Variants in REV1 observed in about 807,000 individuals in gnomAD.
REV1 encodes translesion synthesis protein REV1.
A neutral mutation model predicts 137.4 loss-of-function variants in REV1; 42 were observed. The observed-to-expected ratio is 0.31, with a 90% CI of 0.24 to 0.40. The LOEUF is 0.40. Ranked by LOEUF, REV1 falls within the 10% of genes least tolerant of loss-of-function variation. The pLI, the probability that REV1 is intolerant of heterozygous loss-of-function variation, is 1.00. For missense variants in REV1, 1,282 were observed against 1,490.1 expected, an observed-to-expected ratio of 0.86 and a Z score of 2.30; for synonymous variants, 524 against 519.2, an observed-to-expected ratio of 1.01 and a Z score of -0.12.
At chr2:99,432,024 G>T (rs983687553) in intron 8 of REV1, 6 of 516,946 alleles carry the variant, frequency 1.2e-5, no homozygotes, top group African/African-American at 2.1e-5. Flanking sequence ...AACTGAAGTT[G>T]TCGATGGGAT....
At chr2:99,448,107 G>A (rs907577219) in intron 4 of REV1, among the ~76,000 whole-genome samples, 6 of 152,110 alleles carry the variant, frequency 3.9e-5, no homozygotes, top group African/African-American at 1.4e-4. Context: ...TTTCCACCAC[G>A]CTGCTTCTCC....
intron 1 of REV1, among the ~76,000 whole-genome samples, chr2:99,487,139 GAAGA>G (rs1687236941): frequency 6.6e-6 from 1 of 152,158 alleles, no homozygotes; most frequent in Non-Finnish European, 1.5e-5. Flanking sequence ...ACATCCTAAG[GAAGA>G]AACACTTTGT....
At position 99,456,620 on chromosome 2, in the gene REV1, C is replaced by T. The variant is rs28369954; in HGVS notation, c.181+5876G>A. Among the ~76,000 whole-genome samples the T allele has an allele frequency of 7.9e-3, 1,206 of 152,270 alleles. 8 individuals are homozygous for T. Among genetic ancestry groups the T allele is most frequent in the Admixed American group, 0.014 (210 of 15,294 alleles). On this transcript the variant is annotated intron_variant, in intron 3 of 22. Transcript: ENST00000258428. The stretch of plus-strand genomic sequence containing the variant: ...ACTATACATAAAACAGGCTTCCTAA[C>T]GCCAAAGAACTTAATATAGAATTAA...
At chr2:99,418,752 C>G in intron 12 of REV1, 76 bp downstream of exon 12, 1 of 1,364,570 alleles carries the variant, frequency 7.3e-7, no homozygotes, top group East Asian at 2.4e-5. Context: ...AAAGAGGTCT[C>G]ACAGTTCTAT....
intron 1 of REV1, among the ~76,000 whole-genome samples, chr2:99,481,222 C>T (rs142834771): frequency 1.3e-5 from 2 of 152,282 alleles, no homozygotes; most frequent in African/African-American, 4.8e-5. Flanking sequence ...TAATTACGTA[C>T]ATCTAAAAGT....
chr2:99,459,822 A>G (rs1281389933), intron 3 of REV1, among the ~76,000 whole-genome samples: 1 of 152,218 alleles, frequency 6.6e-6, no homozygotes, highest in Non-Finnish European at 1.5e-5. Context: ...CAGGTGAACT[A>G]TTAGAGGGTC....
At chr2:99,485,500 A>G (rs866507436) in intron 1 of REV1, among the ~76,000 whole-genome samples, 1 of 152,212 alleles carries the variant, frequency 6.6e-6, no homozygotes, top group Non-Finnish European at 1.5e-5. Flanking sequence ...CTCATATTTC[A>G]ACTGGATCTT....
At chr2:99,479,766 A>G (rs1477265945) in intron 1 of REV1, among the ~76,000 whole-genome samples, 1 of 137,556 alleles carries the variant, frequency 7.3e-6, no homozygotes, top group African/African-American at 2.8e-5. Flanking sequence ...ACAGAACAAG[A>G]CCAAAAAAGT....
intron 4 of REV1, among the ~76,000 whole-genome samples, chr2:99,443,548 C>G (rs1466238732): frequency 2.0e-5 from 3 of 152,122 alleles, no homozygotes; most frequent in African/African-American, 7.2e-5. Flanking sequence ...AAAAACGGAA[C>G]TATATATGAT....
Position 99,400,563 on chromosome 2 carries a change from C to CT in REV1, c.*677dup, listed in dbSNP as rs1156434768. The CT allele has an allele frequency of 1.3e-5, 2 of 152,100 alleles. No homozygotes were observed. The highest frequency in any genetic ancestry group is 2.9e-5 in the Non-Finnish European group (2 of 68,022). 9.4% of individuals were successfully genotyped at this position (152,100 alleles called of 1,614,324 possible). On this transcript the variant is annotated 3_prime_UTR_variant, in exon 23 of 23. Transcript: ENST00000258428. Reference sequence around the variant, plus strand: ...ATACGTTTGAAAAATCTATACCGTTCTTTTTTATCATCAAAGTTTCTCAAT... The same window carrying CT: ...ATACGTTTGAAAAATCTATACCGTTCTTTTTTTATCATCAAAGTTTCTCAAT...
chr2:99,438,778 A>C lies in REV1; in HGVS notation c.1036T>G (p.Cys346Gly). 1.2e-6 allele frequency: 2 copies of C among 1,614,250 alleles called. No individual in the cohort carries two copies. Among genetic ancestry groups the C allele is most frequent in the Middle Eastern group, 1.6e-4 (1 of 6,062 alleles). The change falls in exon 6 of 23, where the codon TGC (cysteine) becomes GGC (glycine). Residue 346 changes from cysteine to glycine, a missense_variant. Around this residue, in one of 7 missense-constraint regions of REV1, gnomAD observed 432 missense variants for 438.0 expected, o/e 0.99. Transcript: ENST00000258428. ...APSVPSKPSDCNFISNFYSHS... is the reference protein window; with the variant it reads ...APSVPSKPSDGNFISNFYSHS... ...GAATAGAAGTTTGAAATAAAATTGC[A>C]GTCTGAAGGTTTGGATGGCACTGAA...
At chr2:99,432,419 A>T (rs1427906726) in intron 8 of REV1, among the ~76,000 whole-genome samples, 1 of 152,180 alleles carries the variant, frequency 6.6e-6, no homozygotes, top group Non-Finnish European at 1.5e-5. Context: ...ATGTCTGATA[A>T]TGACCCAGAG....
chr2:99,438,987 A>C lies in REV1; in HGVS notation c.827T>G (p.Leu276Arg), dbSNP rs747113289. ...TCTGGTGCTTTGCTGCAACTGCTGCAGAGTGCAGTCTCTGAAATCAGTGCT... is the reference window on the plus strand; with the variant it reads ...TCTGGTGCTTTGCTGCAACTGCTGCCGAGTGCAGTCTCTGAAATCAGTGCT... ...KSSTDFRDCT[L>R]QQLQQSTRNT... is the part of the protein sequence containing the mutation. Residue 276 changes from leucine to arginine, a missense_variant, in exon 6 of 23, where the codon CTG becomes CGG. Leu to Arg is a moderately radical substitution (Grantham distance 102, BLOSUM62 -2). Around this residue, in one of 7 missense-constraint regions of REV1, gnomAD observed 432 missense variants for 438.0 expected, o/e 0.99. Coordinates refer to ENST00000258428, the MANE Select transcript of REV1 (RefSeq NM_016316.4). The C allele has an allele frequency of 1.2e-6, 2 of 1,614,220 alleles. No homozygotes were observed. The highest frequency in any genetic ancestry group is 1.7e-6 in the Non-Finnish European group (2 of 1,180,036).
rs770705185 is a variant in REV1 at position 99,462,627 on chromosome 2, A to T, written c.55-5T>A. On this transcript the variant is annotated splice_region_variant and splice_polypyrimidine_tract_variant and intron_variant, in intron 2 of 22. Coordinates refer to ENST00000258428, the MANE Select transcript of REV1 (RefSeq NM_016316.4). ...CTTGGCAGCCATATACCCACCCTAG[A>T]ATTAAAGAAAAGGTAAACCAATCAC... 2 of 1,598,798 alleles carry T rather than the reference A, an allele frequency of 1.3e-6. No individual in the cohort carries two copies. Among genetic ancestry groups the T allele is most frequent in the South Asian group, 2.3e-5 (2 of 87,338 alleles).
intron 22 of REV1, among the ~76,000 whole-genome samples, chr2:99,401,955 C>T (rs921082348): frequency 2.0e-5 from 3 of 152,104 alleles, no homozygotes; most frequent in Non-Finnish European, 4.4e-5. Flanking sequence ...GCCATTTTGG[C>T]CAGGCTGGTC....
intron 1 of REV1, among the ~76,000 whole-genome samples, chr2:99,486,850 A>C (rs1687189417): frequency 6.6e-6 from 1 of 152,094 alleles, no homozygotes; most frequent in African/African-American, 2.4e-5. Context: ...GTCAGACAAG[A>C]CCTCTGCTCG....
chr2:99,484,223 A>G (rs1017157953), intron 1 of REV1, among the ~76,000 whole-genome samples: 2 of 152,228 alleles, frequency 1.3e-5, no homozygotes, highest in Admixed American at 6.5e-5. Flanking sequence ...GAGTCTACTT[A>G]AGCGTGGAGG....
intron 8 of REV1, among the ~76,000 whole-genome samples, chr2:99,430,169 A>C (rs868299029): frequency 6.6e-6 from 1 of 152,122 alleles, no homozygotes; most frequent in Non-Finnish European, 1.5e-5. Context: ...TAATAAATTC[A>C]AAGTGTCCTG....
chr2:99,463,749 A>T (rs1317036197), intron 2 of REV1, among the ~76,000 whole-genome samples: 1 of 151,990 alleles, frequency 6.6e-6, no homozygotes, highest in Non-Finnish European at 1.5e-5. Context: ...CTCAGTTCCC[A>T]AGTAGCTGGG....
Sources: allele counts gnomAD v4.1 joint callset (sites outside exome capture counted in the v4.1 genomes callset), GRCh38; gene constraint gnomAD v4.1.1; regional missense constraint gnomAD v4.1.1; transcripts MANE v1.5; gene names NCBI Gene and HGNC (gene_info 2026-07-23, HGNC 2026-07-21).